Variants in CNTN5 observed in about 807,000 individuals in gnomAD.
CNTN5 encodes contactin-5.
Under a neutral mutation model 129.1 loss-of-function variants are expected in CNTN5, and 77 were observed. The ratio of observed to expected loss-of-function variants is 0.60; its 90% CI spans 0.50 to 0.72. CNTN5 has a LOEUF of 0.72. Ranked by LOEUF, CNTN5 falls within the 30% of genes least tolerant of loss-of-function variation. The pLI, the probability that CNTN5 is intolerant of heterozygous loss-of-function variation, is 0.00. For missense variants in CNTN5, 1,478 were observed against 1,328.8 expected, an observed-to-expected ratio of 1.11 and a Z score of -1.75; for synonymous variants, 509 against 465.6, an observed-to-expected ratio of 1.09 and a Z score of -1.20.
chr11:99,931,129 T>C (rs1248715659), intron 7 of CNTN5, among the ~76,000 whole-genome samples: 1 of 152,188 alleles, frequency 6.6e-6, no homozygotes. Context: ...ACAGATACAT[T>C]TTGACATTAT....
intron 1 of CNTN5, among the ~76,000 whole-genome samples, chr11:99,039,321 T>G (rs1863888936): frequency 6.6e-6 from 1 of 152,150 alleles, no homozygotes; most frequent in South Asian, 2.1e-4. Context: ...CTCTTCTGCT[T>G]CTATCATCTT....
chr11:99,056,482 G>T (rs1864629211), intron 1 of CNTN5, among the ~76,000 whole-genome samples: 2 of 151,958 alleles, frequency 1.3e-5, no homozygotes, highest in African/African-American at 4.8e-5. Flanking sequence ...TTTGGTTAGG[G>T]CACCACCAGT....
intron 3 of CNTN5, among the ~76,000 whole-genome samples, chr11:99,769,815 C>CAAAA (rs10667902): frequency 1.5e-4 from 19 of 128,360 alleles, no homozygotes; most frequent in Non-Finnish European, 2.0e-4. Flanking sequence ...GACCCCGTCT[C>CAAAA]AAAAAAAAAA....
intron 3 of CNTN5, among the ~76,000 whole-genome samples, chr11:99,678,916 T>C (rs1953420600): frequency 6.6e-6 from 1 of 150,770 alleles, no homozygotes; most frequent in Admixed American, 6.6e-5. Flanking sequence ...TTCCAACCAC[T>C]GTCTCTTTGA....
intron 2 of CNTN5, among the ~76,000 whole-genome samples, chr11:99,393,103 C>G (rs1003127424): frequency 3.3e-5 from 5 of 151,590 alleles, no homozygotes; most frequent in African/African-American, 1.2e-4. Context: ...CAACAAAAGC[C>G]CCACTAATAA....
chr11:100,050,026 G>A (rs1337649928), intron 9 of CNTN5, among the ~76,000 whole-genome samples: 4 of 152,186 alleles, frequency 2.6e-5, no homozygotes, highest in Non-Finnish European at 4.4e-5. Flanking sequence ...CACTCTTAGT[G>A]GGACTGTAAA....
intron 8 of CNTN5, among the ~76,000 whole-genome samples, chr11:99,989,575 C>G (rs546501784): frequency 2.0e-5 from 3 of 151,406 alleles, no homozygotes; most frequent in South Asian, 2.1e-4. Flanking sequence ...CACCCAAAAG[C>G]ATTTTAAATT....
Position 99,531,129 on chromosome 11 carries a change from G to A in CNTN5, c.-70-25016G>A, listed in dbSNP as rs539614551. On this transcript the variant is annotated intron_variant, in intron 2 of 24. Coordinates refer to ENST00000524871, the MANE Select transcript of CNTN5 (RefSeq NM_014361.4). ...TGGCTTTTCCCAAAATGCTGATAGG[G>A]ATATGGACAATAAGGTCCAGACTGA... Among the ~76,000 whole-genome samples the A allele has an allele frequency of 1.4e-3, 206 of 152,292 alleles. 2 individuals are homozygous for A. Among genetic ancestry groups the A allele is most frequent in the African/African-American group, 4.3e-3 (180 of 41,570 alleles).
At chr11:99,762,716 C>T (rs1367100432) in intron 3 of CNTN5, among the ~76,000 whole-genome samples, 1 of 152,100 alleles carries the variant, frequency 6.6e-6, no homozygotes, top group Non-Finnish European at 1.5e-5. Context: ...ATGGAAATAA[C>T]AACAAATGTG....
chr11:100,006,083 C>T lies in CNTN5; in HGVS notation c.980+3947C>T, dbSNP rs1940171792. 1.3e-5 allele frequency among the ~76,000 whole-genome samples: 2 copies of T among 152,154 alleles called. 1 individual carries two copies. The highest frequency in any genetic ancestry group is 2.9e-5 in the Non-Finnish European group (2 of 68,034). ...CCAGAGCACACAGAAGTTATGTTTA[C>T]ATTATATTGTATGTTATTAAGTAGG... On this transcript the variant is annotated intron_variant, in intron 9 of 24. Coordinates refer to ENST00000524871, the MANE Select transcript of CNTN5 (RefSeq NM_014361.4).
intron 13 of CNTN5, among the ~76,000 whole-genome samples, chr11:100,133,714 A>G (rs1213768806): frequency 6.6e-6 from 1 of 151,964 alleles, no homozygotes; most frequent in Non-Finnish European, 1.5e-5. Flanking sequence ...AGTGAGCTTG[A>G]CCCCCTTTAC....
At chr11:99,828,013 AAG>A (rs10548999) in intron 4 of CNTN5, among the ~76,000 whole-genome samples, 44,485 of 151,896 alleles carry the variant, frequency 0.29, 6,990 homozygotes, top group Middle Eastern at 0.4. Flanking sequence ...AACTCATCAC[AAG>A]AGAGTTATTG....
chr11:100,332,565 T>C lies in CNTN5; in HGVS notation c.2731-7898T>C, dbSNP rs564570803. ...AACTACAGATCAATATCCCTGATCA[T>C]CATAGATGCAAAAATCCTTATGTCA... On this transcript the variant is annotated intron_variant, in intron 21 of 24. Coordinates refer to ENST00000524871, the MANE Select transcript of CNTN5 (RefSeq NM_014361.4). Among the ~76,000 whole-genome samples, 52 of 151,950 alleles carry C rather than the reference T, an allele frequency of 3.4e-4. 1 individual carries two copies. Among genetic ancestry groups the C allele is most frequent in the Admixed American group, 3.4e-3 (52 of 15,254 alleles).
At chr11:99,395,895 G>T (rs1033966855) in intron 2 of CNTN5, among the ~76,000 whole-genome samples, 1 of 151,844 alleles carries the variant, frequency 6.6e-6, no homozygotes, top group African/African-American at 2.4e-5. Flanking sequence ...CTGTTCCATT[G>T]GTCTATGTGT....
chr11:99,508,266 C>G (rs777806207), intron 2 of CNTN5, among the ~76,000 whole-genome samples: 1 of 152,084 alleles, frequency 6.6e-6, no homozygotes, highest in Non-Finnish European at 1.5e-5. Context: ...GTATAAAATA[C>G]CTAGGTTCAT....
At chr11:99,577,263 G>C (rs1949385724) in intron 3 of CNTN5, among the ~76,000 whole-genome samples, 1 of 152,170 alleles carries the variant, frequency 6.6e-6, no homozygotes, top group African/African-American at 2.4e-5. Flanking sequence ...AGCTCTGCCT[G>C]CTTGTGTCCT....
chr11:99,905,706 A>T (rs369761271), intron 6 of CNTN5, among the ~76,000 whole-genome samples: 20 of 152,302 alleles, frequency 1.3e-4, no homozygotes, highest in African/African-American at 4.6e-4. Context: ...TGGGGATATC[A>T]TTGAATCTAC....
At chr11:99,515,504 C>T (rs890909664) in intron 2 of CNTN5, among the ~76,000 whole-genome samples, 6 of 151,928 alleles carry the variant, frequency 3.9e-5, no homozygotes, top group Non-Finnish European at 7.4e-5. Flanking sequence ...TTCATGCCTG[C>T]GTTGAGATTC....
In CNTN5 at chr11:99,926,159, C is replaced by T. The variant is rs1161214703; in HGVS notation, c.673+10010C>T. Reference sequence around the variant, plus strand: ...TCTTGATAATCTGTCTTCAAAAACCCTCTTTAAAATGCAAATGCTTTTGAG... The same window carrying T: ...TCTTGATAATCTGTCTTCAAAAACCTTCTTTAAAATGCAAATGCTTTTGAG... On this transcript the variant is annotated intron_variant, in intron 7 of 24. Transcript: ENST00000524871. 3.9e-5 allele frequency among the ~76,000 whole-genome samples: 6 copies of T among 152,246 alleles called. No individual in the cohort carries two copies. In the East Asian group the frequency reaches 9.7e-4, roughly 25 times the overall value.
Sources: gnomAD v4.1 joint callset for allele counts (sites outside exome capture counted in the v4.1 genomes callset) on GRCh38, gnomAD v4.1.1 for gene constraint, MANE v1.5 for transcripts, NCBI Gene and HGNC (gene_info 2026-07-23, HGNC 2026-07-21) for gene names.